The following RNF2 variants were observed in gnomAD, a reference collection of about 807,000 sequenced individuals.
The protein encoded by RNF2 is ring finger protein 2.
A neutral mutation model predicts 37.2 loss-of-function variants in RNF2; 6 were observed. The observed-to-expected ratio is 0.16, with a 90% CI of 0.09 to 0.32. The LOEUF (loss-of-function observed/expected upper bound fraction) is 0.32, where lower values mean the gene tolerates loss of function less well. Among genes scored for constraint, RNF2 ranks in the 10% least tolerant of loss-of-function variants. RNF2 has a pLI of 1.00. For synonymous variants in RNF2, 133 were observed against 132.7 expected (o/e 1.00, Z -0.02); for missense variants, 251 against 404.0 (o/e 0.62, Z 3.25).
intron 1 of RNF2, among the ~76,000 whole-genome samples, chr1:185,067,521 T>G (rs1185181480): frequency 6.6e-6 from 1 of 152,170 alleles, no homozygotes; most frequent in Non-Finnish European, 1.5e-5. Flanking sequence ...GAGAGTTAAT[T>G]TGATGTGACC....
chr1:185,051,784 A>G (rs1650278855), intron 1 of RNF2, among the ~76,000 whole-genome samples: 1 of 150,064 alleles, frequency 6.7e-6, no homozygotes, highest in South Asian at 2.1e-4. Flanking sequence ...TAACAACTGT[A>G]TACAAAAATA....
At chr1:185,068,133 AGTG>A (rs1315297907) in intron 1 of RNF2, among the ~76,000 whole-genome samples, 3 of 152,160 alleles carry the variant, frequency 2.0e-5, no homozygotes, top group African/African-American at 7.2e-5. Context: ...CCTCCTGTAA[AGTG>A]GTTACATTTT....
At chr1:185,091,440 G>T in intron 2 of RNF2, 139 bp from the exon 3 acceptor site, 1 of 718,788 alleles carries the variant, frequency 1.4e-6, no homozygotes. Flanking sequence ...AACAAAATTA[G>T]CTGTGAGTTG....
chr1:185,062,420 T>A (rs918355006), intron 1 of RNF2, among the ~76,000 whole-genome samples: 3 of 152,102 alleles, frequency 2.0e-5, no homozygotes, highest in African/African-American at 7.2e-5. Context: ...TTTCCCATCT[T>A]TGTCATGAAT....
chr1:185,091,477 A>C, intron 2 of RNF2, 102 bp from the exon 3 acceptor site: 57 of 1,072,010 alleles, frequency 5.3e-5, no homozygotes, highest in Non-Finnish European at 6.9e-5. Context: ...GGTGATGGGT[A>C]CATATATGTT....
At chr1:185,065,473 A>G (rs370098836) in intron 1 of RNF2, among the ~76,000 whole-genome samples, 2 of 152,314 alleles carry the variant, frequency 1.3e-5, no homozygotes, top group African/African-American at 4.8e-5. Context: ...GGTCGGCACT[A>G]CTACCTTTAT....
chr1:185,060,106 A>G (rs1288711756), intron 1 of RNF2, among the ~76,000 whole-genome samples: 2 of 152,252 alleles, frequency 1.3e-5, no homozygotes, highest in Admixed American at 1.3e-4. Flanking sequence ...ATCTTGGAAT[A>G]TACCACTTTG....
intron 1 of RNF2, among the ~76,000 whole-genome samples, chr1:185,065,670 T>C (rs1272506957): frequency 6.6e-6 from 1 of 152,124 alleles, no homozygotes; most frequent in Non-Finnish European, 1.5e-5. Flanking sequence ...AAGAAACTCC[T>C]AGACACCTCT....
chr1:185,068,510 A>G (rs1007102472), intron 1 of RNF2, among the ~76,000 whole-genome samples: 1 of 152,230 alleles, frequency 6.6e-6, no homozygotes, highest in Non-Finnish European at 1.5e-5. Flanking sequence ...CAGTGTGACC[A>G]CAGAGGCAGA....
intron 4 of RNF2, among the ~76,000 whole-genome samples, chr1:185,093,955 AT>A: frequency 6.6e-6 from 1 of 152,214 alleles, no homozygotes; most frequent in Non-Finnish European, 1.5e-5. Context: ...CCAAATTTAT[AT>A]ATCCAGCCCG....
intron 1 of RNF2, among the ~76,000 whole-genome samples, chr1:185,071,189 G>A (rs1481172397): frequency 6.6e-6 from 1 of 152,170 alleles, no homozygotes; most frequent in East Asian, 1.9e-4. Flanking sequence ...AGAGGAAAAA[G>A]TCAGTTACGC....
intron 1 of RNF2, among the ~76,000 whole-genome samples, chr1:185,083,517 C>T (rs1406527247): frequency 1.3e-5 from 2 of 152,174 alleles, no homozygotes; most frequent in Admixed American, 1.3e-4. Context: ...CTCTCCTTCC[C>T]ACTCAGGGTC....
At chr1:185,052,266 A>C (rs992623533) in intron 1 of RNF2, among the ~76,000 whole-genome samples, 5 of 152,306 alleles carry the variant, frequency 3.3e-5, no homozygotes, top group African/African-American at 1.2e-4. Context: ...AGCATGTAAC[A>C]CACAGGTTCC....
intron 1 of RNF2, among the ~76,000 whole-genome samples, chr1:185,058,159 A>G (rs985907214): frequency 2.6e-5 from 4 of 152,232 alleles, no homozygotes; most frequent in African/African-American, 9.6e-5. Context: ...TTAAAGATGC[A>G]GTCTAGCAAC....
At chr1:185,085,922 G>A (rs1477048837) in intron 1 of RNF2, among the ~76,000 whole-genome samples, 1 of 152,110 alleles carries the variant, frequency 6.6e-6, no homozygotes, top group African/African-American at 2.4e-5. Context: ...AAAGTGCTGG[G>A]ATTATAGGGA....
chr1:185,054,401 G>A (rs1650366629), intron 1 of RNF2, among the ~76,000 whole-genome samples: 1 of 152,218 alleles, frequency 6.6e-6, no homozygotes, highest in African/African-American at 2.4e-5. Context: ...TGTCAAGGCT[G>A]GACACTGTGC....
chr1:185,066,066 CT>C (rs1427878855), intron 1 of RNF2, among the ~76,000 whole-genome samples: 1 of 151,498 alleles, frequency 6.6e-6, no homozygotes, highest in Admixed American at 6.6e-5. Flanking sequence ...TGAGCTCTGC[CT>C]TTTCTAATTT....
At chr1:185,098,395 G>C in intron 5 of RNF2, 51 bp downstream of exon 5, 1 of 1,579,410 alleles carries the variant, frequency 6.3e-7, no homozygotes, top group Non-Finnish European at 8.6e-7. Flanking sequence ...TGTTTAATTT[G>C]GAGGTAAAAG....
intron 1 of RNF2, among the ~76,000 whole-genome samples, chr1:185,058,567 T>C (rs1650503497): frequency 6.6e-6 from 1 of 152,232 alleles, no homozygotes; most frequent in African/African-American, 2.4e-5. Context: ...CTTGAATTAA[T>C]GTTGGTTTTC....
Sources: gnomAD v4.1 joint callset for allele counts (sites outside exome capture counted in the v4.1 genomes callset) on GRCh38, gnomAD v4.1.1 for gene constraint, MANE v1.5 for transcripts, NCBI Gene and HGNC (gene_info 2026-07-23, HGNC 2026-07-21) for gene names.